The following SENP5 variants were observed in gnomAD, a reference collection of about 807,000 sequenced individuals.
SENP5 encodes SUMO specific peptidase 5.
A neutral mutation model predicts 74.2 loss-of-function variants in SENP5; 21 were observed. The ratio of observed to expected loss-of-function variants is 0.28; its 90% CI spans 0.20 to 0.41. The LOEUF is 0.41. Among genes scored for constraint, SENP5 ranks in the 10% least tolerant of loss-of-function variants. The pLI, the probability that SENP5 is intolerant of heterozygous loss-of-function variation, is 1.00. For missense variants in SENP5, 717 were observed against 889.1 expected, an observed-to-expected ratio of 0.81 and a Z score of 2.46; for synonymous variants, 311 against 312.7, an observed-to-expected ratio of 0.99 and a Z score of 0.06.
Position 196,931,563 on chromosome 3 carries a change from G to A in SENP5, c.*640G>A, listed in dbSNP as rs1293185122. 4.1e-6 allele frequency: 1 copy of A among 246,864 alleles called. No homozygotes were observed. The highest frequency in any genetic ancestry group is 4.1e-5 in the South Asian group (1 of 24,144). The allele number at this position is 246,864 out of a possible 1,614,324, so 15.3% of individuals were successfully genotyped here. A position where few individuals can be genotyped will look rare whatever the true frequency, so the allele number is the denominator to read the frequency against. On this transcript the variant is annotated 3_prime_UTR_variant, in exon 10 of 10. Transcript: ENST00000323460. ...TGTAAGCACAGTGGCTGCTTTGGGA[G>A]GAGTAAGGTGTGAGAAAAAGCAACC...
intron 1 of SENP5, among the ~76,000 whole-genome samples, chr3:196,874,148 T>TAA (rs1200307574): frequency 5.9e-5 from 8 of 136,692 alleles, no homozygotes; most frequent in African/African-American, 1.7e-4. Flanking sequence ...CTTTTTTTTT[T>TAA]AAAAAAAAAA....
chr3:196,898,102 C>T (rs1298336786), intron 2 of SENP5, among the ~76,000 whole-genome samples: 1 of 150,346 alleles, frequency 6.7e-6, no homozygotes. Context: ...CACTTGAACC[C>T]AGGAGGGGTG....
intron 2 of SENP5, among the ~76,000 whole-genome samples, 179 bp from the exon 3 acceptor site, chr3:196,899,487 A>G (rs1191624079): frequency 6.6e-6 from 1 of 152,220 alleles, no homozygotes; most frequent in African/African-American, 2.4e-5. Flanking sequence ...GTTAGAGCCT[A>G]ATATATTTTA....
intron 6 of SENP5, among the ~76,000 whole-genome samples, chr3:196,913,548 G>A: frequency 1.4e-5 from 2 of 139,502 alleles, no homozygotes; most frequent in African/African-American, 2.7e-5. Context: ...CAGCCTGGGT[G>A]ACAGAGTGAG....
At chr3:196,907,638 C>G (rs1234259759) in intron 6 of SENP5, among the ~76,000 whole-genome samples, 1 of 152,096 alleles carries the variant, frequency 6.6e-6, no homozygotes, top group East Asian at 1.9e-4. Flanking sequence ...ATTCCTTCCT[C>G]TAGATCAGGG....
chr3:196,869,167 C>G (rs6583182), intron 1 of SENP5, among the ~76,000 whole-genome samples: 110,128 of 150,670 alleles, frequency 0.73, 40,624 homozygotes, highest in East Asian at 0.95. Context: ...GAGGAGGGTG[C>G]TGGGGAGGGG....
rs994200405 is a variant in SENP5, at chr3:196,899,942, G to C, written c.1638G>C (p.Arg546Ser). 6.2e-7 allele frequency: 1 copy of C among 1,613,218 alleles called. No individual in the cohort carries two copies. The highest frequency in any genetic ancestry group is 8.5e-7 in the Non-Finnish European group (1 of 1,179,784). Residue 546 changes from arginine (R) to serine (S), a missense_variant, in exon 4 of 10, where the codon AGG becomes AGC. Physicochemically the swap from Arg to Ser is moderately radical, Grantham distance 110 (BLOSUM62 -1). Coordinates refer to ENST00000323460, the MANE Select transcript of SENP5 (RefSeq NM_152699.5). ...DFSNRKPFIN[R>S]EITNYRARHQ... ...CTTTCAGAAAACCATTTATCAATAG[G>C]GAAATAACAAACTATCGGGCCAGAC... is the stretch of plus-strand genomic sequence containing the variant.
chr3:196,889,147 A>C (rs1162622908), intron 2 of SENP5, among the ~76,000 whole-genome samples: 2 of 151,780 alleles, frequency 1.3e-5, no homozygotes, highest in African/African-American at 4.8e-5. Flanking sequence ...ATTAGTAAAT[A>C]AATTCTTCCT....
chr3:196,896,438 T>TC (rs1482562119), intron 2 of SENP5, among the ~76,000 whole-genome samples: 1 of 145,678 alleles, frequency 6.9e-6, no homozygotes, highest in Non-Finnish European at 1.5e-5. Context: ...TTCTAATGTC[T>TC]CCATTTGATT....
intron 1 of SENP5, among the ~76,000 whole-genome samples, chr3:196,874,865 G>A (rs1057139330): frequency 6.6e-6 from 1 of 151,416 alleles, no homozygotes; most frequent in Non-Finnish European, 1.5e-5. Context: ...GGCAACAAGA[G>A]TGGGAAAAAA....
chr3:196,931,758 A>G lies in SENP5; in HGVS notation c.*835A>G, dbSNP rs1180738115. ...CAAACTAGTGGTCAAACAAATGAGAATGCAGCTGTTCTCAGAGTAATTTTT... is the reference window on the plus strand; with the variant it reads ...CAAACTAGTGGTCAAACAAATGAGAGTGCAGCTGTTCTCAGAGTAATTTTT... On this transcript the variant is annotated 3_prime_UTR_variant, in exon 10 of 10. Coordinates refer to ENST00000323460, the MANE Select transcript of SENP5 (RefSeq NM_152699.5). The G allele has an allele frequency of 3.3e-6, 1 of 299,504 alleles. No individual in the cohort carries two copies. The highest frequency in any genetic ancestry group is 6.6e-6 in the Non-Finnish European group (1 of 150,700). The allele number at this position is 299,504 out of a possible 1,614,324, so 18.6% of individuals were successfully genotyped here.
chr3:196,880,993 C>G (rs765621315), intron 1 of SENP5, among the ~76,000 whole-genome samples: 2 of 151,806 alleles, frequency 1.3e-5, no homozygotes, highest in Non-Finnish European at 2.9e-5. Flanking sequence ...GTTGCCCAGG[C>G]TAGAGTGCCA....
Position 196,890,918 on chromosome 3 carries a change from G to A in SENP5, c.1513+4224G>A, listed in dbSNP as rs556216742. ...GGTTACTTCTTTTGGAGGGAAAAGG[G>A]ATAGATTCCTGTGCCGCAAAACATT... On this transcript the variant is annotated intron_variant, in intron 2 of 9. Transcript: ENST00000323460. Among the ~76,000 whole-genome samples, 4 of 152,258 alleles carry A rather than the reference G, an allele frequency of 2.6e-5. No individual in the cohort carries two copies. In the South Asian group the frequency reaches 8.3e-4, roughly 32 times the overall value.
At chr3:196,868,369 G>A (rs1404273421) in intron 1 of SENP5, among the ~76,000 whole-genome samples, 1 of 152,378 alleles carries the variant, frequency 6.6e-6, no homozygotes, top group East Asian at 1.9e-4. Flanking sequence ...GGAAAGCTCT[G>A]AGAGGAGGAG....
chr3:196,872,811 T>C (rs769683717), intron 1 of SENP5, among the ~76,000 whole-genome samples: 50 of 152,172 alleles, frequency 3.3e-4, no homozygotes, highest in Admixed American at 9.8e-4. Context: ...AGAGCAGATA[T>C]AGAATATTTC....
chr3:196,886,241 A>G lies in SENP5; in HGVS notation c.1060A>G (p.Asn354Asp), dbSNP rs966147867. Reference protein sequence around the residue: ...FPDQQNGSATNAWDQSSCSSP... With the variant: ...FPDQQNGSATDAWDQSSCSSP... ...TGACCAACAGAATGGCAGTGCCACA[A>G]ACGCCTGGGACCAGTCATCCTGTTC... The change falls in exon 2 of 10, where the codon AAC (asparagine) becomes GAC (aspartate). Residue 354 changes from asparagine (N) to aspartate (D), a missense_variant. Asn to Asp is a conservative substitution (Grantham distance 23). This residue lies in a region of SENP5 where 567 missense variants were observed against 577.4 expected (regional missense o/e 0.98). Coordinates refer to ENST00000323460, the MANE Select transcript of SENP5 (RefSeq NM_152699.5). The G allele has an allele frequency of 3.1e-6, 5 of 1,614,206 alleles. No homozygotes were observed. The highest frequency in any genetic ancestry group is 4.2e-6 in the Non-Finnish European group (5 of 1,180,030).
At chr3:196,878,178 A>T in intron 1 of SENP5, among the ~76,000 whole-genome samples, 1 of 152,210 alleles carries the variant, frequency 6.6e-6, no homozygotes, top group South Asian at 2.1e-4. Flanking sequence ...GCCTTCAAAT[A>T]GTCATGTTAT....
intron 2 of SENP5, among the ~76,000 whole-genome samples, chr3:196,892,009 C>G (rs1267489025): frequency 1.3e-5 from 2 of 151,934 alleles, no homozygotes; most frequent in Non-Finnish European, 2.9e-5. Context: ...CCAGGATGGT[C>G]TCAATCTCCT....
At chr3:196,886,804 A>C in intron 2 of SENP5, 110 bp downstream of exon 2, 1 of 829,666 alleles carries the variant, frequency 1.2e-6, no homozygotes. Flanking sequence ...TATTTCTTTA[A>C]ACCAGTTAGT....
Sources: allele counts gnomAD v4.1 joint callset (sites outside exome capture counted in the v4.1 genomes callset), GRCh38; gene constraint gnomAD v4.1.1; regional missense constraint gnomAD v4.1.1; transcripts MANE v1.5; gene names NCBI Gene and HGNC (gene_info 2026-07-23, HGNC 2026-07-21).